OTOG: variants seen among roughly 807,000 people sequenced by gnomAD.
OTOG encodes otogelin.
A neutral mutation model predicts 313.8 loss-of-function variants in OTOG; 296 were observed. The ratio of observed to expected loss-of-function variants is 0.94; its 90% CI spans 0.86 to 1.04. The LOEUF is 1.04. Ranked by LOEUF, OTOG falls within the 50% of genes least tolerant of loss-of-function variation. The probability of loss-of-function intolerance (pLI) is 0.00; values close to 1 mark genes in which losing one functional copy is unlikely to be tolerated. For missense variants in OTOG, 3,948 were observed against 3,840.1 expected (o/e 1.03, Z -0.74); for synonymous variants, 1,533 against 1,554.9 (o/e 0.99, Z 0.33).
chr11:17,612,320 G>GGA lies in OTOG; in HGVS notation c.6284_6285dup (p.Cys2096SerfsTer12), dbSNP rs1199650767. 1 of 1,534,438 alleles carries GGA rather than the reference G, an allele frequency of 6.5e-7. No individual in the cohort carries two copies. Among genetic ancestry groups the GGA allele is most frequent in the South Asian group, 1.2e-5 (1 of 83,346 alleles). ...GTGGGGACCGCTGCTGCCCACTCTG[G>GGA]GAGTGTGCCTGTGAGTCATGGGATC... On this transcript the variant is annotated frameshift_variant, in exon 37 of 56. Coordinates refer to ENST00000399397, the MANE Select transcript of OTOG (RefSeq NM_001292063.2). LOFTEE classifies it high-confidence loss of function.
intron 10 of OTOG, 53 bp downstream of exon 10, chr11:17,558,697 C>A: frequency 1.3e-6 from 2 of 1,494,476 alleles, no homozygotes; most frequent in Non-Finnish European, 1.8e-6. Flanking sequence ...GGGGTGAGTG[C>A]TCAGCACACG....
intron 3 of OTOG, among the ~76,000 whole-genome samples, chr11:17,548,418 C>CTTTTTTTTTTTTTTTTT (rs56402246): frequency 1.1e-4 from 10 of 87,624 alleles, no homozygotes; most frequent in African/African-American, 1.4e-4. Flanking sequence ...ATAGTCCACT[C>CTTTTTTTTTTTTTTTTT]TTTTTTTTTT....
At chr11:17,602,116 C>T (rs1471548242) in intron 31 of OTOG, 94 bp from the exon 32 acceptor site, 1 of 1,404,356 alleles carries the variant, frequency 7.1e-7, no homozygotes, top group Non-Finnish European at 9.6e-7. Flanking sequence ...GGTAGCTTGC[C>T]CTCCCACCCC....
At chr11:17,644,890 G>A (rs1451339229) in intron 54 of OTOG, among the ~76,000 whole-genome samples, 2 of 152,156 alleles carry the variant, frequency 1.3e-5, no homozygotes, top group Non-Finnish European at 2.9e-5. Context: ...TTAAGAAGGG[G>A]AATCAGGTAA....
intron 23 of OTOG, among the ~76,000 whole-genome samples, chr11:17,579,654 C>T (rs1852621009): frequency 6.6e-6 from 1 of 152,188 alleles, no homozygotes; most frequent in Non-Finnish European, 1.5e-5. Context: ...CCACTTGGGC[C>T]CCGGAGTGGC....
At chr11:17,568,352 T>C (rs924633394) in intron 15 of OTOG, among the ~76,000 whole-genome samples, 3 of 152,244 alleles carry the variant, frequency 2.0e-5, no homozygotes, top group Non-Finnish European at 2.9e-5. Context: ...ATTATTATGA[T>C]AATTTTATGT....
chr11:17,609,625 C>T (rs1027563057), intron 35 of OTOG, 30 bp from the exon 36 acceptor site: 1 of 1,461,114 alleles, frequency 6.8e-7, no homozygotes, highest in Non-Finnish European at 9.1e-7. Flanking sequence ...AGTCACCCCG[C>T]CTTCTGAACC....
intron 39 of OTOG, among the ~76,000 whole-genome samples, chr11:17,624,712 T>C (rs147150466): frequency 9.8e-5 from 15 of 152,348 alleles, no homozygotes; most frequent in African/African-American, 3.4e-4. Flanking sequence ...GGTAGTTTGA[T>C]AGGAAGAGCA....
chr11:17,644,579 C>A (rs1590064907), intron 54 of OTOG, among the ~76,000 whole-genome samples: 1 of 152,056 alleles, frequency 6.6e-6, no homozygotes, highest in Admixed American at 6.6e-5. Context: ...AAAATATATA[C>A]CAGGATGGAA....
At chr11:17,578,642 A>AGGCTGGCCATTACAGCTGT in intron 23 of OTOG, 116 bp downstream of exon 23, 2 of 1,307,924 alleles carry the variant, frequency 1.5e-6, no homozygotes, top group Non-Finnish European at 2.0e-6. Context: ...GCACTGGCCC[A>AGGCTGGCCATTACAGCTGT]GGCTGGCCAG....
chr11:17,558,236 C>G lies in OTOG; in HGVS notation c.917C>G (p.Ala306Gly), dbSNP rs61611064. The G allele has an allele frequency of 1.4e-5, 21 of 1,550,434 alleles. No homozygotes were observed. Among genetic ancestry groups the G allele is most frequent in the Non-Finnish European group, 1.8e-5 (21 of 1,146,982 alleles). The change falls in exon 9 of 56, where the codon GCC becomes GGC. Residue 306 changes from alanine (A) to glycine (G), a missense_variant. Transcript: ENST00000399397. ...VEFVHSWQEQ[A>G]PNQPPGPTTS... Reference sequence around the variant, plus strand: ...TTTGTGCACAGCTGGCAGGAGCAGGCCCCTAACCAGCCTCCAGGGCCCACA... The same window carrying G: ...TTTGTGCACAGCTGGCAGGAGCAGGGCCCTAACCAGCCTCCAGGGCCCACA...
intron 39 of OTOG, among the ~76,000 whole-genome samples, chr11:17,624,871 C>T (rs1003847436): frequency 1.3e-5 from 2 of 152,152 alleles, no homozygotes; most frequent in Admixed American, 1.3e-4. Context: ...AGATCTTTCA[C>T]CTCCCTGGTT....
At position 17,559,643 on chromosome 11, in the gene OTOG, C is replaced by CGGCTGCTATTGCCCCAAT; in HGVS notation, c.1326_1342+1dup. ...TGGACAGTGAGATCGCCTGTGTGGA[C>CGGCTGCTATTGCCCCAAT]GGCTGCTATTGCCCCAATGGTATGC... On this transcript the variant is annotated inframe_insertion, in exon 12 of 56. Transcript: ENST00000399397. The CGGCTGCTATTGCCCCAAT allele has an allele frequency of 6.4e-7, 1 of 1,550,782 alleles. No homozygotes were observed. The highest frequency in any genetic ancestry group is 2.0e-5 in the Admixed American group (1 of 51,002).
At position 17,555,234 on chromosome 11, in the gene OTOG, T is replaced by A. The variant is rs957894783; in HGVS notation, c.541-545T>A. 4.6e-5 allele frequency among the ~76,000 whole-genome samples: 7 copies of A among 151,568 alleles called. No homozygotes were observed. In the South Asian group the frequency reaches 1.0e-3, roughly 23 times the overall value. On this transcript the variant is annotated intron_variant, in intron 6 of 55. Coordinates refer to ENST00000399397, the MANE Select transcript of OTOG (RefSeq NM_001292063.2). Reference sequence around the variant, plus strand: ...GTGTGTGTGTGTGTGTGTGTGTGTGTGACAGCAGCACAGGAGTGAGATGTG... The same window carrying A: ...GTGTGTGTGTGTGTGTGTGTGTGTGAGACAGCAGCACAGGAGTGAGATGTG...
chr11:17,576,045 C>T (rs957064119), intron 20 of OTOG, among the ~76,000 whole-genome samples: 29 of 152,182 alleles, frequency 1.9e-4, no homozygotes, highest in African/African-American at 6.5e-4. Flanking sequence ...AGAACCCCTG[C>T]GAAGAATCAA....
intron 30 of OTOG, among the ~76,000 whole-genome samples, chr11:17,598,603 G>T (rs1264874009): frequency 6.6e-6 from 1 of 152,180 alleles, no homozygotes; most frequent in African/African-American, 2.4e-5. Context: ...TCCCACCTTA[G>T]AGGAGGGCAC....
chr11:17,625,092 T>C (rs1472165232), intron 39 of OTOG, among the ~76,000 whole-genome samples: 1 of 152,216 alleles, frequency 6.6e-6, no homozygotes, highest in African/African-American at 2.4e-5. Context: ...TAGGATCATG[T>C]TGTCTGCAAA....
intron 24 of OTOG, among the ~76,000 whole-genome samples, chr11:17,587,660 T>C (rs1391999661): frequency 6.6e-6 from 1 of 152,198 alleles, no homozygotes; most frequent in South Asian, 2.1e-4. Context: ...GCCCATCTGC[T>C]CCAAGGCCGG....
chr11:17,552,432 G>T (rs1851955821), intron 4 of OTOG, among the ~76,000 whole-genome samples: 1 of 150,580 alleles, frequency 6.6e-6, no homozygotes, highest in African/African-American at 2.5e-5. Context: ...ATCTTGTGTT[G>T]TCTGTAGCCC....
Sources: gnomAD v4.1 joint callset for allele counts (sites outside exome capture counted in the v4.1 genomes callset) on GRCh38, gnomAD v4.1.1 for gene constraint, MANE v1.5 for transcripts, NCBI Gene and HGNC (gene_info 2026-07-23, HGNC 2026-07-21) for gene names.